KLF8: variants seen among roughly 807,000 people sequenced by gnomAD.
The protein encoded by KLF8 is KLF transcription factor 8.
Under a neutral mutation model 18.2 loss-of-function variants are expected in KLF8, and 10 were observed. That is an observed-to-expected ratio of 0.55 (90% CI 0.34 to 0.93). The LOEUF (loss-of-function observed/expected upper bound fraction) is 0.93, where lower values mean the gene tolerates loss of function less well. KLF8 is among the 40% of genes least tolerant of loss of function. The pLI, the probability that KLF8 is intolerant of heterozygous loss-of-function variation, is 0.02. For synonymous variants in KLF8, 109 were observed against 97.3 expected (o/e 1.12, Z -0.71); for missense variants, 264 against 277.9 (o/e 0.95, Z 0.36).
chrX:56,278,128 C>T (rs967089093), intron 5 of KLF8, among the ~76,000 whole-genome samples: 7 of 112,436 alleles, frequency 6.2e-5, no homozygotes, highest in Non-Finnish European at 1.1e-4. Context: ...CCCCAATATC[C>T]TGCTTGTGCT....
chrX:56,234,991 G>A (rs2066455727), intron 1 of KLF8, among the ~76,000 whole-genome samples: 1 of 111,639 alleles, frequency 9.0e-6, no homozygotes, highest in African/African-American at 3.3e-5. Flanking sequence ...GAGCCCTCAG[G>A]AGCTATACAT....
the KLF8 span, among the ~76,000 whole-genome samples, chrX:56,183,791 T>G: frequency 8.9e-6 from 1 of 111,873 alleles, no homozygotes. Flanking sequence ...GGCTAACTAT[T>G]TACTTATCAA....
At chrX:56,203,529 T>G in the KLF8 span, among the ~76,000 whole-genome samples, 3 of 112,586 alleles carry the variant, frequency 2.7e-5, no homozygotes, top group Non-Finnish European at 3.8e-5. Context: ...TTTTCTCCAA[T>G]GTTTTCTTGC....
chrX:56,266,260 C>T (rs1371979969), intron 3 of KLF8: 1 of 750,404 alleles, frequency 1.3e-6, no homozygotes, highest in Non-Finnish European at 1.6e-6. Flanking sequence ...TCTACCAATA[C>T]TTTCCCTTTT....
At chrX:55,917,083 C>G in the KLF8 span, among the ~76,000 whole-genome samples, 1 of 112,150 alleles carries the variant, frequency 8.9e-6, no homozygotes, top group African/African-American at 3.2e-5. Flanking sequence ...AATCTCCCTG[C>G]TCAAGTCTTG....
the KLF8 span, among the ~76,000 whole-genome samples, chrX:55,991,765 G>A: frequency 5.1e-4 from 57 of 112,377 alleles, no homozygotes; most frequent in Non-Finnish European, 9.9e-4. Flanking sequence ...ACAAGCATAT[G>A]TTATTTTTTG....
the KLF8 span, among the ~76,000 whole-genome samples, chrX:55,973,929 A>T: frequency 8.9e-6 from 1 of 111,838 alleles, no homozygotes; most frequent in Non-Finnish European, 1.9e-5. Context: ...ACTTGAAATC[A>T]ACCTAGATGC....
At chrX:56,247,310 C>T (rs932332998) in intron 1 of KLF8, among the ~76,000 whole-genome samples, 1 of 111,350 alleles carries the variant, frequency 9.0e-6, no homozygotes, top group Non-Finnish European at 1.9e-5. Context: ...AATGGTGTAC[C>T]TGAACACCAC....
chrX:56,177,659 G>A, the KLF8 span, among the ~76,000 whole-genome samples: 1 of 111,657 alleles, frequency 9.0e-6, no homozygotes, highest in African/African-American at 3.3e-5. Context: ...GTCTGCAGAG[G>A]ACTCTGCTGC....
At chrX:55,966,198 A>G in the KLF8 span, among the ~76,000 whole-genome samples, 2 of 112,441 alleles carry the variant, frequency 1.8e-5, no homozygotes, top group African/African-American at 6.5e-5. Flanking sequence ...CTTGGCCCAG[A>G]CCTGGAGAAA....
At chrX:56,126,403 C>G in the KLF8 span, among the ~76,000 whole-genome samples, 1 of 112,216 alleles carries the variant, frequency 8.9e-6, no homozygotes, top group Admixed American at 9.4e-5. Context: ...AGCCTCTTAA[C>G]TAATCACTCC....
the KLF8 span, among the ~76,000 whole-genome samples, chrX:56,130,109 G>A: frequency 7.2e-5 from 8 of 110,415 alleles, no homozygotes; most frequent in East Asian, 2.0e-3. Context: ...GGAGTTCTAA[G>A]GCCTCGCCCA....
At chrX:56,052,383 C>T in the KLF8 span, among the ~76,000 whole-genome samples, 1 of 111,850 alleles carries the variant, frequency 8.9e-6, no homozygotes, top group Non-Finnish European at 1.9e-5. Flanking sequence ...TTCTGTTTTT[C>T]CCCCATCTTT....
chrX:56,077,992 G>A, the KLF8 span, among the ~76,000 whole-genome samples: 16 of 112,020 alleles, frequency 1.4e-4, no homozygotes, highest in Non-Finnish European at 1.9e-4. Context: ...CATTGCTTTC[G>A]TATCCTGAGA....
chrX:55,937,786 G>T, the KLF8 span, among the ~76,000 whole-genome samples: 1 of 111,888 alleles, frequency 8.9e-6, no homozygotes, highest in Non-Finnish European at 1.9e-5. Context: ...GATGGAAGAT[G>T]AAATGAATGA....
the KLF8 span, among the ~76,000 whole-genome samples, chrX:56,195,546 G>C: frequency 8.9e-6 from 1 of 111,905 alleles, no homozygotes; most frequent in Non-Finnish European, 1.9e-5. Context: ...AAAGTAGAAA[G>C]AAACAAACAA....
the KLF8 span, among the ~76,000 whole-genome samples, chrX:56,177,836 A>T: frequency 1.8e-5 from 2 of 111,764 alleles, no homozygotes; most frequent in Middle Eastern, 9.3e-3. Context: ...GCCACCTTGC[A>T]GTTTGATCTC....
the KLF8 span, among the ~76,000 whole-genome samples, chrX:56,055,258 T>C: frequency 8.9e-6 from 1 of 112,383 alleles, no homozygotes; most frequent in African/African-American, 3.2e-5. Flanking sequence ...GGGGATCTTT[T>C]AAAGTAGGTT....
At chrX:56,077,736 G>C in the KLF8 span, among the ~76,000 whole-genome samples, 3 of 111,606 alleles carry the variant, frequency 2.7e-5, no homozygotes, top group African/African-American at 9.8e-5. Flanking sequence ...CTTGGGCAGT[G>C]TGGCCATTTT....
Sources: allele counts gnomAD v4.1 joint callset (sites outside exome capture counted in the v4.1 genomes callset), GRCh38; gene constraint gnomAD v4.1.1; transcripts MANE v1.5; gene names NCBI Gene and HGNC (gene_info 2026-07-23, HGNC 2026-07-21).